The following ACADL variants were observed in gnomAD, a reference collection of about 807,000 sequenced individuals.
ACADL encodes long-chain specific acyl-CoA dehydrogenase, mitochondrial.
A neutral mutation model predicts 56.9 loss-of-function variants in ACADL; 60 were observed. The ratio of observed to expected loss-of-function variants is 1.05; its 90% CI spans 0.86 to 1.31. ACADL has a LOEUF of 1.31. Among genes scored for constraint, ACADL ranks in the 50% most tolerant of loss-of-function variants. ACADL has a pLI of 0.00. For synonymous variants in ACADL, 158 were observed against 179.7 expected (o/e 0.88, Z 0.97); for missense variants, 484 against 525.5 (o/e 0.92, Z 0.77).
rs1689254643 is a variant in ACADL, at chr2:210,225,275, A to AGGGGCGGC, written c.-20_-13dup. On this transcript the variant is annotated 5_prime_UTR_variant, in exon 1 of 11. Coordinates refer to ENST00000233710, the MANE Select transcript of ACADL (RefSeq NM_001608.4). ...AGGCGTGCGGCCATGTCCGAAACAC[A>AGGGGCGGC]GGGGCGGCGGGGCGACGGAGGCGAC... is the stretch of plus-strand genomic sequence containing the variant. The AGGGGCGGC allele has an allele frequency of 1.3e-6, 2 of 1,551,656 alleles. No individual in the cohort carries two copies. The highest frequency in any genetic ancestry group is 1.4e-5 in the African/African-American group (1 of 73,038).
In ACADL at chr2:210,218,072, CT is replaced by C. The variant is rs776002734; in HGVS notation, c.263del (p.Glu88GlyfsTer74). ...EWEKAGEVSR[E>X]VWEKAGKQGL... The stretch of plus-strand genomic sequence containing the variant: ...CTTGTTTTCCAGCTTTTTCCCAAAC[CT>C]CCCTACTTACTTCTCCAGCTTTCTC... On this transcript the variant is annotated frameshift_variant, in exon 3 of 11. Transcript: ENST00000233710. LOFTEE classifies it high-confidence loss of function. The C allele has an allele frequency of 2.5e-6, 4 of 1,613,838 alleles. No individual in the cohort carries two copies. The highest frequency in any genetic ancestry group is 3.4e-6 in the Non-Finnish European group (4 of 1,179,930).
At position 210,225,241 on chromosome 2, in the gene ACADL, C is replaced by T. The variant is rs1689253607; in HGVS notation, c.23G>A (p.Gly8Glu). The change falls in exon 1 of 11, where the codon GGG becomes GAG. Residue 8 changes from glycine (G) to glutamate (E), a missense_variant. Physicochemically the swap from Gly to Glu is moderately conservative, Grantham distance 98. Transcript: ENST00000233710. MAARLLRGSLRVLGGHRA... is the reference protein window; with the variant it reads MAARLLRESLRVLGGHRA... ...GTGGCCGCCCAGGACGCGTAGGGAC[C>T]CTCGGAGAAGGCGTGCGGCCATGTC... 6.4e-7 allele frequency: 1 copy of T among 1,557,638 alleles called. No homozygotes were observed. Among genetic ancestry groups the T allele is most frequent in the African/African-American group, 1.4e-5 (1 of 73,514 alleles).
intron 1 of ACADL, 132 bp from the exon 2 acceptor site, chr2:210,220,934 G>GA: frequency 1.3e-6 from 1 of 745,246 alleles, no homozygotes; most frequent in Non-Finnish European, 2.1e-6. Context: ...TTTGAATTAT[G>GA]ACAAAGCTGG....
intron 4 of ACADL, among the ~76,000 whole-genome samples, chr2:210,212,760 C>T (rs1452828406): frequency 6.6e-6 from 1 of 152,232 alleles, no homozygotes; most frequent in Non-Finnish European, 1.5e-5. Context: ...TATTTATATG[C>T]TTGGTGCCTA....
chr2:210,195,397 C>A, intron 8 of ACADL, 59 bp from the exon 9 acceptor site: 1 of 1,523,454 alleles, frequency 6.6e-7, no homozygotes, highest in South Asian at 1.1e-5. Context: ...AAACTTCAAC[C>A]CACTTAACAT....
intron 9 of ACADL, among the ~76,000 whole-genome samples, chr2:210,193,745 C>T (rs1688670794): frequency 1.3e-5 from 2 of 151,998 alleles, no homozygotes; most frequent in African/African-American, 4.8e-5. Context: ...AATCATAGCT[C>T]ATTACAGTCT....
intron 4 of ACADL, among the ~76,000 whole-genome samples, chr2:210,213,216 A>G (rs1187231518): frequency 6.6e-6 from 1 of 152,056 alleles, no homozygotes; most frequent in African/African-American, 2.4e-5. Flanking sequence ...CAATTCTTCT[A>G]TAGCTGGGTG....
chr2:210,198,908 T>C (rs1435488845), intron 8 of ACADL, among the ~76,000 whole-genome samples: 3 of 152,054 alleles, frequency 2.0e-5, no homozygotes, highest in Non-Finnish European at 4.4e-5. Context: ...GAGCATAGAT[T>C]TTAAAAATCC....
At chr2:210,223,872 A>C (rs763197951) in intron 1 of ACADL, among the ~76,000 whole-genome samples, 11 of 152,330 alleles carry the variant, frequency 7.2e-5, no homozygotes, top group Non-Finnish European at 1.6e-4. Context: ...TTATGTAGAT[A>C]CCTTTCGATA....
At chr2:210,192,976 C>T (rs1688659045) in intron 9 of ACADL, 86 bp from the exon 10 acceptor site, 2 of 1,021,664 alleles carry the variant, frequency 2.0e-6, no homozygotes, top group African/African-American at 1.6e-5. Flanking sequence ...TAATTATTTA[C>T]AATTGTTTAA....
chr2:210,204,666 A>G lies in ACADL; in HGVS notation c.785T>C (p.Phe262Ser). ...AGCTGGCAACCGTATATCTTCAAAGAATAGTTCTGCGGTATCCTAAGAGAC... is the reference window on the plus strand; with the variant it reads ...AGCTGGCAACCGTATATCTTCAAAGGATAGTTCTGCGGTATCCTAAGAGAC... ...GLKAQDTAEL[F>S]FEDIRLPASA... The change falls in exon 7 of 11, where the codon TTC becomes TCC. Residue 262 changes from phenylalanine to serine, a missense_variant. Phe to Ser is a radical substitution (Grantham distance 155). Transcript: ENST00000233710. 6.2e-7 allele frequency: 1 copy of G among 1,611,022 alleles called. No individual in the cohort carries two copies. Among genetic ancestry groups the G allele is most frequent in the Non-Finnish European group, 8.5e-7 (1 of 1,177,354 alleles).
At chr2:210,199,983 A>T (rs1185757957) in intron 8 of ACADL, among the ~76,000 whole-genome samples, 1 of 152,080 alleles carries the variant, frequency 6.6e-6, no homozygotes, top group Admixed American at 6.6e-5. Context: ...GGGCTCAAGC[A>T]ATCTGCCTGC....
At chr2:210,220,852 C>T in intron 1 of ACADL, 50 bp from the exon 2 acceptor site, 2 of 1,415,086 alleles carry the variant, frequency 1.4e-6, no homozygotes, top group Non-Finnish European at 1.9e-6. Flanking sequence ...TGTTACTCTT[C>T]ATATCCAAAT....
At chr2:210,197,989 C>T (rs778804985) in intron 8 of ACADL, among the ~76,000 whole-genome samples, 1 of 152,178 alleles carries the variant, frequency 6.6e-6, no homozygotes, top group Non-Finnish European at 1.5e-5. Flanking sequence ...CTTTTCACTG[C>T]AGACACTGCA....
At chr2:210,196,706 A>G (rs1469236593) in intron 8 of ACADL, among the ~76,000 whole-genome samples, 2 of 152,196 alleles carry the variant, frequency 1.3e-5, no homozygotes, top group African/African-American at 4.8e-5. Context: ...AGGCCCAGAT[A>G]TGGTCAGCTG....
At position 210,192,803 on chromosome 2, in the gene ACADL, C is replaced by T. The variant is rs1688655889; in HGVS notation, c.1199+1G>A. On this transcript the variant is annotated splice_donor_variant, in intron 10 of 10. Transcript: ENST00000233710. LOFTEE classifies it high-confidence loss of function. ...AGAGTGTATCAGAAAACTATACTTA[C>T]TTTGCAATTGGGTACTCCCACATGT... 6.2e-7 allele frequency: 1 copy of T among 1,609,694 alleles called. No individual in the cohort carries two copies. The highest frequency in any genetic ancestry group is 2.2e-5 in the East Asian group (1 of 44,788).
At chr2:210,217,759 G>T in intron 3 of ACADL, 1 of 595,640 alleles carries the variant, frequency 1.7e-6, no homozygotes, top group Non-Finnish European at 2.8e-6. Context: ...ACCTATTTCA[G>T]CAACTTAAAA....
intron 4 of ACADL, among the ~76,000 whole-genome samples, chr2:210,212,527 T>C (rs1212418328): frequency 6.6e-6 from 1 of 152,058 alleles, no homozygotes; most frequent in Non-Finnish European, 1.5e-5. Context: ...GGCCCAACAA[T>C]ACTGATTCTG....
chr2:210,208,843 C>T (rs1051320692), intron 5 of ACADL, among the ~76,000 whole-genome samples: 9 of 152,280 alleles, frequency 5.9e-5, no homozygotes, highest in African/African-American at 1.7e-4. Context: ...TTACCCATTC[C>T]TTTACTTTTA....
Sources: allele counts gnomAD v4.1 joint callset (sites outside exome capture counted in the v4.1 genomes callset), GRCh38; gene constraint gnomAD v4.1.1; transcripts MANE v1.5; gene names NCBI Gene and HGNC (gene_info 2026-07-23, HGNC 2026-07-21).